The following PDE1C variants were observed in gnomAD, a reference collection of about 807,000 sequenced individuals.
PDE1C encodes the protein dual specificity calcium/calmodulin-dependent 3',5'-cyclic nucleotide phosphodiesterase 1C.
A neutral mutation model predicts 93.1 loss-of-function variants in PDE1C; 62 were observed. That is an observed-to-expected ratio of 0.67 (90% CI 0.54 to 0.82). The LOEUF (loss-of-function observed/expected upper bound fraction) is 0.82. Among genes scored for constraint, PDE1C ranks in the 40% least tolerant of loss-of-function variants. The pLI, the probability that PDE1C is intolerant of heterozygous loss-of-function variation, is 0.00. For synonymous variants in PDE1C, 325 were observed against 310.1 expected (o/e 1.05, Z -0.50); for missense variants, 742 against 884.6 (o/e 0.84, Z 2.04).
chr7:32,119,677 A>G (rs1799185248), intron 3 of PDE1C, among the ~76,000 whole-genome samples: 1 of 152,146 alleles, frequency 6.6e-6, no homozygotes, highest in South Asian at 2.1e-4. Context: ...CCCACCTGAG[A>G]GCCACACGGG....
At chr7:32,261,546 T>C (rs1006705628) in intron 1 of PDE1C, among the ~76,000 whole-genome samples, 16 of 152,210 alleles carry the variant, frequency 1.1e-4, no homozygotes, top group African/African-American at 3.9e-4. Context: ...TTCCCCGTCT[T>C]GATAAATCAG....
intron 2 of PDE1C, among the ~76,000 whole-genome samples, chr7:31,917,546 A>G (rs907313723): frequency 5.3e-5 from 8 of 152,152 alleles, no homozygotes; most frequent in Non-Finnish European, 8.8e-5. Context: ...ATTTCACCTA[A>G]TAACATCAAC....
chr7:32,329,591 C>T (rs934289180), intron 1 of PDE1C, among the ~76,000 whole-genome samples: 7 of 152,036 alleles, frequency 4.6e-5, no homozygotes, highest in Admixed American at 2.0e-4. Flanking sequence ...AGAAAGTTTG[C>T]GGGAGTATTT....
At chr7:32,249,407 C>G (rs916686817) in intron 1 of PDE1C, among the ~76,000 whole-genome samples, 1 of 151,948 alleles carries the variant, frequency 6.6e-6, no homozygotes, top group African/African-American at 2.4e-5. Flanking sequence ...CCAACCTTCA[C>G]TTGGATCAGG....
At chr7:32,291,479 G>GA (rs1376887840) in intron 1 of PDE1C, among the ~76,000 whole-genome samples, 1 of 152,224 alleles carries the variant, frequency 6.6e-6, no homozygotes, top group African/African-American at 2.4e-5. Flanking sequence ...TTTCCCACTG[G>GA]AATCTGATAG....
intron 3 of PDE1C, among the ~76,000 whole-genome samples, chr7:32,130,166 G>C (rs1046659256): frequency 6.6e-6 from 1 of 151,846 alleles, no homozygotes; most frequent in Admixed American, 6.6e-5. Flanking sequence ...AACAGAAAAG[G>C]CAGGACCAAC....
chr7:31,909,400 G>A (rs1800964481), intron 2 of PDE1C, among the ~76,000 whole-genome samples: 1 of 152,080 alleles, frequency 6.6e-6, no homozygotes, highest in South Asian at 2.1e-4. Context: ...AATGAATGAG[G>A]GAATGAATGA....
the PDE1C span, chr7:31,652,184 A>G: frequency 1.3e-6 from 1 of 762,116 alleles, no homozygotes; most frequent in Non-Finnish European, 2.2e-6. Flanking sequence ...AAGTATACAG[A>G]GAAGTACTTT....
intron 16 of PDE1C, among the ~76,000 whole-genome samples, chr7:31,795,570 C>A (rs2128673802): frequency 6.6e-6 from 1 of 151,760 alleles, no homozygotes; most frequent in African/African-American, 2.4e-5. Flanking sequence ...GCTTATGTAG[C>A]AATAATTGCA....
chr7:32,260,388 C>T (rs548025728), intron 1 of PDE1C, among the ~76,000 whole-genome samples: 43 of 152,206 alleles, frequency 2.8e-4, no homozygotes, highest in Non-Finnish European at 6.0e-4. Flanking sequence ...CTAGTATTCA[C>T]GACTGCCCTG....
the PDE1C span, chr7:31,651,042 G>C: frequency 7.1e-7 from 1 of 1,405,864 alleles, no homozygotes. Context: ...GCCTGTTTGC[G>C]AAAAAAGGGA....
intron 1 of PDE1C, among the ~76,000 whole-genome samples, chr7:32,341,173 CTT>C (rs3079623): frequency 5.9e-5 from 5 of 84,956 alleles, no homozygotes; most frequent in Admixed American, 3.5e-4. Flanking sequence ...GAAATAAAGT[CTT>C]TTTTTTTTTT....
chr7:31,868,022 T>C (rs528857530), intron 6 of PDE1C, among the ~76,000 whole-genome samples: 9 of 152,300 alleles, frequency 5.9e-5, no homozygotes, highest in African/African-American at 1.9e-4. Flanking sequence ...TCAACCAACA[T>C]CATAGATACT....
chr7:32,142,766 C>T (rs953221508), intron 3 of PDE1C, among the ~76,000 whole-genome samples: 1 of 152,012 alleles, frequency 6.6e-6, no homozygotes, highest in African/African-American at 2.4e-5. Flanking sequence ...TGGAGGTAGC[C>T]CCAAAGAAGA....
intron 1 of PDE1C, among the ~76,000 whole-genome samples, chr7:32,211,053 C>T (rs1014014208): frequency 1.3e-5 from 2 of 151,868 alleles, no homozygotes; most frequent in East Asian, 3.9e-4. Context: ...ACTAAAAATA[C>T]GAAAAATTAG....
intron 1 of PDE1C, among the ~76,000 whole-genome samples, chr7:32,240,192 C>T (rs1808440577): frequency 6.6e-6 from 1 of 152,160 alleles, no homozygotes; most frequent in Admixed American, 6.5e-5. Context: ...TAGGTGTATG[C>T]ACATTATATT....
chr7:31,758,541 A>G (rs1479887052), intron 17 of PDE1C, among the ~76,000 whole-genome samples: 1 of 152,194 alleles, frequency 6.6e-6, no homozygotes, highest in Non-Finnish European at 1.5e-5. Context: ...CACAGAAATA[A>G]AAAGTGTTCA....
intron 1 of PDE1C, among the ~76,000 whole-genome samples, chr7:32,237,311 T>A (rs1004111201): frequency 9.4e-6 from 1 of 106,334 alleles, no homozygotes; most frequent in African/African-American, 3.9e-5. Flanking sequence ...ATGGTCTCGA[T>A]CTCCTGACCT....
the PDE1C span, among the ~76,000 whole-genome samples, chr7:31,641,582 T>C: frequency 1.3e-5 from 2 of 152,192 alleles, no homozygotes; most frequent in Non-Finnish European, 2.9e-5. Context: ...TACAGATAGA[T>C]TTAACATTTC....
Sources: gnomAD v4.1 joint callset for allele counts (sites outside exome capture counted in the v4.1 genomes callset) on GRCh38, gnomAD v4.1.1 for gene constraint, MANE v1.5 for transcripts, NCBI Gene and HGNC (gene_info 2026-07-23, HGNC 2026-07-21) for gene names.